The following HERC2 variants were observed in gnomAD, a reference collection of about 807,000 sequenced individuals.
HERC2 encodes E3 ubiquitin-protein ligase HERC2.
A neutral mutation model predicts 537.7 loss-of-function variants in HERC2; 102 were observed. The observed-to-expected ratio is 0.19, with a 90% CI of 0.16 to 0.22. The LOEUF (loss-of-function observed/expected upper bound fraction) is 0.22. Among genes scored for constraint, HERC2 ranks in the 10% least tolerant of loss-of-function variants. The pLI is 1.00. For missense variants in HERC2, 4,236 were observed against 6,198.2 expected (o/e 0.68, Z 10.63); for synonymous variants, 2,224 against 2,466.2 (o/e 0.90, Z 2.91).
Position 28,260,788 on chromosome 15 carries a change from CACA to C in HERC2, c.2302_2304del (p.Cys768del). On this transcript the variant is annotated inframe_deletion, in exon 16 of 93. Coordinates refer to ENST00000261609, the MANE Select transcript of HERC2 (RefSeq NM_004667.6). ...TCTATATTCAGTACCTGGGCAGGCCCACAGGCAATTCCCACTATGTGTTTGGTG... is the reference window on the plus strand; with the variant it reads ...TCTATATTCAGTACCTGGGCAGGCCCGGCAATTCCCACTATGTGTTTGGTG... 1 of 1,614,088 alleles carries C rather than the reference CACA, an allele frequency of 6.2e-7. No homozygotes were observed. The highest frequency in any genetic ancestry group is 8.5e-7 in the Non-Finnish European group (1 of 1,179,950).
intron 52 of HERC2, among the ~76,000 whole-genome samples, chr15:28,194,747 GTATT>G (rs1312143620): frequency 2.0e-5 from 3 of 152,110 alleles, no homozygotes; most frequent in Non-Finnish European, 2.9e-5. Flanking sequence ...TGTTAGATAT[GTATT>G]TATATAAAAT....
At chr15:28,225,781 TTAAAA>T (rs1901084899) in intron 35 of HERC2, among the ~76,000 whole-genome samples, 1 of 150,620 alleles carries the variant, frequency 6.6e-6, no homozygotes, top group Middle Eastern at 3.4e-3. Context: ...TACTACCAAC[TTAAAA>T]TAAAAAAGAT....
chr15:28,309,738 A>G (rs961576969), intron 2 of HERC2, among the ~76,000 whole-genome samples: 11 of 152,016 alleles, frequency 7.2e-5, no homozygotes, highest in African/African-American at 1.2e-4. Context: ...GATAGAACTA[A>G]GCTATGGCCA....
chr15:28,177,156 A>G lies in HERC2; in HGVS notation c.9255-29T>C, dbSNP rs949769184. The G allele has an allele frequency of 6.3e-7, 1 of 1,594,818 alleles. No individual in the cohort carries two copies. Among genetic ancestry groups the G allele is most frequent in the Admixed American group, 1.7e-5 (1 of 58,386 alleles). ...CAACAAGATGAAATCAGCTCTCTAC[A>G]GTCAATCTGTCCCTTCTTAGAGATG... is the stretch of plus-strand genomic sequence containing the variant. On this transcript the variant is annotated intron_variant, in intron 60 of 92. Transcript: ENST00000261609. The surrounding 1 kb of genome is among the most constrained non-coding windows in gnomAD (Gnocchi z 5.0).
rs753148118 is a variant in HERC2 at position 28,167,725 on chromosome 15, C to G, written c.10516G>C (p.Ala3506Pro). ...FIPVTDDLGA[A>P]SIIAETMTKT... The stretch of plus-strand genomic sequence containing the variant: ...GTCATGGTTTCTGCAATGATGCTTG[C>G]GGCTCCCAGGTCATCCGTCACTGGG... Residue 3506 changes from alanine (A) to proline (P), a missense_variant, in exon 68 of 93, where the codon GCA (alanine) becomes CCA (proline). Around this residue, in one of 27 missense-constraint regions of HERC2, gnomAD observed 356 missense variants for 450.9 expected, o/e 0.79. Transcript: ENST00000261609. 1 of 1,614,030 alleles carries G rather than the reference C, an allele frequency of 6.2e-7. No homozygotes were observed. The highest frequency in any genetic ancestry group is 8.5e-7 in the Non-Finnish European group (1 of 1,180,030).
At chr15:28,229,086 C>A (rs1466345112) in intron 34 of HERC2, 109 bp downstream of exon 34, 1 of 1,044,640 alleles carries the variant, frequency 9.6e-7, no homozygotes, top group African/African-American at 1.6e-5. Context: ...GTACAAAGTA[C>A]AAACTTTAAT....
intron 3 of HERC2, among the ~76,000 whole-genome samples, chr15:28,295,310 G>C (rs57135799): frequency 2.2e-4 from 1 of 4,578 alleles, no homozygotes; most frequent in Non-Finnish European, 2.9e-3. Context: ...CATGTGTGTG[G>C]GGGGGGGGGA....
At position 28,228,428 on chromosome 15, in the gene HERC2, T is replaced by C. The variant is rs1232507389; in HGVS notation, c.5273-19A>G. The stretch of plus-strand genomic sequence containing the variant: ...TGGATACCTAATGAGCATTGGCACC[T>C]ACTGACATTTCTTGTGATGGATACA... On this transcript the variant is annotated intron_variant, in intron 34 of 92. Coordinates refer to ENST00000261609, the MANE Select transcript of HERC2 (RefSeq NM_004667.6). 30 of 1,609,562 alleles carry C rather than the reference T, an allele frequency of 1.9e-5. No homozygotes were observed. The highest frequency in any genetic ancestry group is 4.0e-5 in the African/African-American group (3 of 74,926).
At chr15:28,155,767 T>TA (rs1892946020) in intron 69 of HERC2, among the ~76,000 whole-genome samples, 3 of 152,182 alleles carry the variant, frequency 2.0e-5, no homozygotes, top group African/African-American at 7.2e-5. Flanking sequence ...TTTAGTTTAA[T>TA]TGGATCCCAT....
At chr15:28,314,250 C>T (rs1345675201) in intron 2 of HERC2, among the ~76,000 whole-genome samples, 1 of 151,772 alleles carries the variant, frequency 6.6e-6, no homozygotes, top group Non-Finnish European at 1.5e-5. Flanking sequence ...CAGAACAGAC[C>T]AAGAGTAGAT....
chr15:28,136,602 G>T (rs1286799388), intron 78 of HERC2, among the ~76,000 whole-genome samples: 1 of 151,852 alleles, frequency 6.6e-6, no homozygotes, highest in African/African-American at 2.4e-5. Flanking sequence ...TTGCTCCTGA[G>T]AATTCATAAC....
Position 28,176,514 on chromosome 15 carries a change from C to T in HERC2, c.9600G>A (p.Glu3200=). The T allele has an allele frequency of 6.2e-7, 1 of 1,614,196 alleles. No individual in the cohort carries two copies. The highest frequency in any genetic ancestry group is 8.5e-7 in the Non-Finnish European group (1 of 1,180,032). Residue 3200 remains glutamate, a synonymous_variant, in exon 63 of 93, where the codon GAG becomes GAA. Coordinates refer to ENST00000261609, the MANE Select transcript of HERC2 (RefSeq NM_004667.6). This position sits in a 1 kb window ranked among gnomAD's most constrained non-coding sequence, Gnocchi z 5.0. ...SEGCNIPQNI[E]RLNGQGVCQI... Reference sequence around the variant, plus strand: ...GGCACACCCCCTGTCCATTTAGTCTCTCAATGTTCTGGGGAATGTTACAGC... The same window carrying T: ...GGCACACCCCCTGTCCATTTAGTCTTTCAATGTTCTGGGGAATGTTACAGC...
intron 30 of HERC2, among the ~76,000 whole-genome samples, chr15:28,232,119 A>C (rs1443502310): frequency 6.6e-6 from 1 of 152,200 alleles, no homozygotes; most frequent in African/African-American, 2.4e-5. Flanking sequence ...GTTCAGGAAC[A>C]ATCAAATTAG....
chr15:28,148,053 A>C (rs1383295307), intron 70 of HERC2, among the ~76,000 whole-genome samples: 1 of 151,696 alleles, frequency 6.6e-6, no homozygotes, highest in Non-Finnish European at 1.5e-5. Context: ...AAAAAAAAAG[A>C]AAAGTGAGAA....
intron 2 of HERC2, among the ~76,000 whole-genome samples, chr15:28,304,553 A>C (rs2076727406): frequency 6.6e-6 from 1 of 151,964 alleles, no homozygotes; most frequent in African/African-American, 2.4e-5. Context: ...TTTTTAGTAG[A>C]GACAGGGTAT....
chr15:28,161,527 T>C (rs1288477545), intron 69 of HERC2, among the ~76,000 whole-genome samples: 2 of 152,226 alleles, frequency 1.3e-5, no homozygotes, highest in East Asian at 3.9e-4. Flanking sequence ...TGATCAGTCC[T>C]ATTTCTAAGA....
chr15:28,177,643 G>T lies in HERC2; in HGVS notation c.9164-134C>A. 1.4e-6 allele frequency: 1 copy of T among 720,340 alleles called. No individual in the cohort carries two copies. The highest frequency in any genetic ancestry group is 1.7e-5 in the South Asian group (1 of 59,764). The allele number at this position is 720,340 out of a possible 1,614,324, so 44.6% of individuals were successfully genotyped here. A position where few individuals can be genotyped will look rare whatever the true frequency, so the allele number is the denominator to read the frequency against. ...AGCTGAATAAATGAGTAACTCAACA[G>T]GATCAACAGCGGAGTTAGCAGGAAA... On this transcript the variant is annotated intron_variant, in intron 59 of 92. Transcript: ENST00000261609. The surrounding 1 kb of genome is among the most constrained non-coding windows in gnomAD (Gnocchi z 5.0).
intron 69 of HERC2, among the ~76,000 whole-genome samples, chr15:28,160,330 G>C (rs1216543469): frequency 6.6e-6 from 1 of 152,252 alleles, no homozygotes; most frequent in Non-Finnish European, 1.5e-5. Context: ...TGCCCCCAGA[G>C]GTGGAGTCTA....
At chr15:28,270,969 T>C in intron 9 of HERC2, 101 bp from the exon 10 acceptor site, 1 of 947,870 alleles carries the variant, frequency 1.1e-6, no homozygotes, top group South Asian at 1.6e-5. Context: ...TTGACTCATT[T>C]GACCCATCAA....
Sources: allele counts gnomAD v4.1 joint callset (sites outside exome capture counted in the v4.1 genomes callset), GRCh38; gene constraint gnomAD v4.1.1; regional missense constraint gnomAD v4.1.1; non-coding constraint Gnocchi (gnomAD v3.1); transcripts MANE v1.5; gene names NCBI Gene and HGNC (gene_info 2026-07-23, HGNC 2026-07-21).